Variants in NUDT3 observed in about 807,000 individuals in gnomAD.
The protein encoded by NUDT3 is diphosphoinositol polyphosphate phosphohydrolase 1.
Under a neutral mutation model 23.6 loss-of-function variants are expected in NUDT3, and 9 were observed. The ratio of observed to expected loss-of-function variants is 0.38; its 90% CI spans 0.23 to 0.66. NUDT3 has a LOEUF of 0.66. Ranked by LOEUF, NUDT3 falls within the 30% of genes least tolerant of loss-of-function variation. NUDT3 has a pLI of 0.52. For missense variants in NUDT3, 172 were observed against 218.5 expected, an observed-to-expected ratio of 0.79 and a Z score of 1.34; for synonymous variants, 86 against 82.6, an observed-to-expected ratio of 1.04 and a Z score of -0.22.
chr6:34,351,198 T>TAAAGAAAAAAAAAA (rs1764462821), intron 1 of NUDT3, among the ~76,000 whole-genome samples: 2 of 17,894 alleles, frequency 1.1e-4, no homozygotes, highest in Non-Finnish European at 2.3e-4. Context: ...CTCCCCTGCC[T>TAAAGAAAAAAAAAA]AAAAAAAAAA....
chr6:34,324,169 A>G (rs534196116), intron 2 of NUDT3, among the ~76,000 whole-genome samples: 37 of 152,260 alleles, frequency 2.4e-4, no homozygotes, highest in African/African-American at 8.9e-4. Flanking sequence ...AGCCTGGCCA[A>G]CACGGGAAAC....
At chr6:34,308,815 G>A (rs572888000) in intron 2 of NUDT3, among the ~76,000 whole-genome samples, 1 of 152,268 alleles carries the variant, frequency 6.6e-6, no homozygotes, top group African/African-American at 2.4e-5. Context: ...TGACAGAACT[G>A]CAAGGAGAAG....
intron 2 of NUDT3, among the ~76,000 whole-genome samples, chr6:34,326,123 ATGG>A (rs1160316816): frequency 6.6e-6 from 1 of 150,952 alleles, no homozygotes; most frequent in African/African-American, 2.5e-5. Flanking sequence ...AAATTAAATA[ATGG>A]AAGTTCGAGA....
At chr6:34,356,572 G>C (rs976706643) in intron 1 of NUDT3, among the ~76,000 whole-genome samples, 1 of 152,116 alleles carries the variant, frequency 6.6e-6, no homozygotes, top group Middle Eastern at 3.4e-3. Context: ...AACAGCAACA[G>C]ACTAGAATAT....
chr6:34,371,633 TAGA>T (rs1189118832), intron 1 of NUDT3, among the ~76,000 whole-genome samples: 3 of 152,208 alleles, frequency 2.0e-5, no homozygotes, highest in African/African-American at 7.2e-5. Flanking sequence ...GTTCACTGAT[TAGA>T]AGAATAGAGA....
chr6:34,334,172 T>C (rs886323241), intron 2 of NUDT3, among the ~76,000 whole-genome samples: 2 of 152,220 alleles, frequency 1.3e-5, no homozygotes, highest in Non-Finnish European at 2.9e-5. Context: ...TGTGACAATG[T>C]CATGTTCTTC....
chr6:34,336,645 C>T (rs1764212926), intron 2 of NUDT3, among the ~76,000 whole-genome samples: 1 of 150,926 alleles, frequency 6.6e-6, no homozygotes, highest in Non-Finnish European at 1.5e-5. Flanking sequence ...TTGTCCAGAC[C>T]AATGTCCTAA....
intron 2 of NUDT3, among the ~76,000 whole-genome samples, chr6:34,299,545 C>T (rs1763565976): frequency 6.6e-6 from 1 of 152,004 alleles, no homozygotes; most frequent in Non-Finnish European, 1.5e-5. Context: ...CTGTCTTAGC[C>T]TCCCAAGTAG....
At chr6:34,317,562 C>G (rs1279388883) in intron 2 of NUDT3, among the ~76,000 whole-genome samples, 1 of 152,090 alleles carries the variant, frequency 6.6e-6, no homozygotes, top group Non-Finnish European at 1.5e-5. Flanking sequence ...TTCTCCCACC[C>G]CCCCAACAGT....
chr6:34,332,362 TTCC>T (rs1287069443), intron 2 of NUDT3, among the ~76,000 whole-genome samples: 1 of 152,190 alleles, frequency 6.6e-6, no homozygotes, highest in African/African-American at 2.4e-5. Flanking sequence ...TAAAGGTTTT[TTCC>T]TCGTCATCTT....
At position 34,313,363 on chromosome 6, in the gene NUDT3, T is replaced by C. The variant is rs116085515; in HGVS notation, c.211-17678A>G. 5.6e-3 allele frequency among the ~76,000 whole-genome samples: 854 copies of C among 152,220 alleles called. 3 individuals carry two copies. The highest frequency in any genetic ancestry group is 0.017 in the African/African-American group (725 of 41,538). On this transcript the variant is annotated intron_variant, in intron 2 of 4. Coordinates refer to ENST00000607016, the MANE Select transcript of NUDT3 (RefSeq NM_006703.4). ...AGGAGTTTAGGGGAGGGAGGGATGA[T>C]ACACAGAGCACAGAGGATTTTTATA...
At chr6:34,354,751 ATT>A (rs1491411479) in intron 1 of NUDT3, among the ~76,000 whole-genome samples, 2 of 146,890 alleles carry the variant, frequency 1.4e-5, no homozygotes, top group Non-Finnish European at 3.0e-5. Flanking sequence ...ATATATATAT[ATT>A]TATTTACTTT....
intron 4 of NUDT3, among the ~76,000 whole-genome samples, chr6:34,291,073 C>T (rs1289657466): frequency 6.6e-6 from 1 of 151,984 alleles, no homozygotes; most frequent in Non-Finnish European, 1.5e-5. Flanking sequence ...AATTCTCCTG[C>T]CTCAGCCCCC....
At chr6:34,361,039 A>G (rs1428692226) in intron 1 of NUDT3, among the ~76,000 whole-genome samples, 1 of 152,120 alleles carries the variant, frequency 6.6e-6, no homozygotes, top group Non-Finnish European at 1.5e-5. Context: ...TCTGGGCAAC[A>G]TAGCAAGACC....
intron 1 of NUDT3, among the ~76,000 whole-genome samples, chr6:34,355,008 T>A (rs1369217968): frequency 6.6e-6 from 1 of 152,002 alleles, no homozygotes; most frequent in African/African-American, 2.4e-5. Context: ...CTAATTTATA[T>A]TTCTTTTATT....
chr6:34,305,165 T>C (rs946167345), intron 2 of NUDT3, among the ~76,000 whole-genome samples: 1 of 150,932 alleles, frequency 6.6e-6, no homozygotes, highest in Non-Finnish European at 1.5e-5. Flanking sequence ...TAATTTTTAG[T>C]AGAGATGGGG....
intron 2 of NUDT3, among the ~76,000 whole-genome samples, chr6:34,298,654 C>G (rs954742825): frequency 0.083 from 16 of 192 alleles, no homozygotes; most frequent in Non-Finnish European, 0.15. Context: ...TCTATGTTGC[C>G]CAGCCGGCCT....
intron 2 of NUDT3, among the ~76,000 whole-genome samples, chr6:34,299,392 T>C (rs958663110): frequency 1.3e-5 from 2 of 152,166 alleles, no homozygotes; most frequent in Admixed American, 6.6e-5. Flanking sequence ...TCTAGTACTT[T>C]AGGCCTGGTT....
At chr6:34,315,018 A>G (rs1763837228) in intron 2 of NUDT3, among the ~76,000 whole-genome samples, 2 of 152,214 alleles carry the variant, frequency 1.3e-5, no homozygotes, top group African/African-American at 4.8e-5. Context: ...CTGGGAAAAT[A>G]AATCAGGACA....
Sources: allele counts gnomAD v4.1 joint callset (sites outside exome capture counted in the v4.1 genomes callset), GRCh38; gene constraint gnomAD v4.1.1; transcripts MANE v1.5; gene names NCBI Gene and HGNC (gene_info 2026-07-23, HGNC 2026-07-21).